The following NELL1 variants were observed in gnomAD, a reference collection of about 807,000 sequenced individuals.
The protein encoded by NELL1 is protein kinase C-binding protein NELL1.
Under a neutral mutation model 107.4 loss-of-function variants are expected in NELL1, and 76 were observed. The observed-to-expected ratio is 0.71, with a 90% CI of 0.59 to 0.86. The LOEUF (loss-of-function observed/expected upper bound fraction) is 0.86. Among genes scored for constraint, NELL1 ranks in the 40% least tolerant of loss-of-function variants. NELL1 has a pLI of 0.00. For synonymous variants in NELL1, 353 were observed against 341.2 expected, an observed-to-expected ratio of 1.03 and a Z score of -0.38; for missense variants, 1,024 against 1,005.5, an observed-to-expected ratio of 1.02 and a Z score of -0.25.
intron 12 of NELL1, among the ~76,000 whole-genome samples, chr11:21,072,927 T>C (rs1854049849): frequency 6.6e-6 from 1 of 152,214 alleles, no homozygotes; most frequent in African/African-American, 2.4e-5. Context: ...TTCTGCTTCC[T>C]GCTCGAACAC....
At chr11:20,839,926 T>C (rs1848592705) in intron 3 of NELL1, among the ~76,000 whole-genome samples, 1 of 152,186 alleles carries the variant, frequency 6.6e-6, no homozygotes. Context: ...GATATCTGAT[T>C]TGTGAAAGAA....
intron 13 of NELL1, among the ~76,000 whole-genome samples, chr11:21,199,395 T>G (rs1442135951): frequency 6.6e-6 from 1 of 152,180 alleles, no homozygotes; most frequent in East Asian, 1.9e-4. Flanking sequence ...AGGGGCTTTA[T>G]TTTTAATACA....
At chr11:21,461,247 C>A (rs138658822) in intron 15 of NELL1, among the ~76,000 whole-genome samples, 1 of 152,160 alleles carries the variant, frequency 6.6e-6, no homozygotes, top group East Asian at 1.9e-4. Flanking sequence ...TGAATGAGGA[C>A]TGGGTAGAGG....
intron 15 of NELL1, among the ~76,000 whole-genome samples, chr11:21,520,523 A>G (rs1855694024): frequency 6.6e-6 from 1 of 151,986 alleles, no homozygotes; most frequent in African/African-American, 2.4e-5. Flanking sequence ...TGGTAATATG[A>G]TGATGATAAG....
intron 2 of NELL1, 31 bp downstream of exon 2, chr11:20,678,091 A>G (rs1352838550): frequency 6.2e-7 from 1 of 1,613,338 alleles, no homozygotes; most frequent in Admixed American, 1.7e-5. Flanking sequence ...GCATGGTGGC[A>G]GAGGTTGGGG....
intron 13 of NELL1, chr11:21,169,900 G>T: frequency 6.9e-7 from 1 of 1,453,892 alleles, no homozygotes. Context: ...ATGTCCCCAG[G>T]TCGTCCACCG....
At chr11:20,880,462 T>A (rs1849386619) in intron 4 of NELL1, among the ~76,000 whole-genome samples, 1 of 152,220 alleles carries the variant, frequency 6.6e-6, no homozygotes, top group African/African-American at 2.4e-5. Context: ...GAAATTGAAA[T>A]ACAGAGAAAT....
chr11:20,710,764 G>A (rs1855091949), intron 2 of NELL1, among the ~76,000 whole-genome samples: 1 of 151,728 alleles, frequency 6.6e-6, no homozygotes. Flanking sequence ...TTTAATCTAG[G>A]AGGGTTGGAT....
chr11:20,911,176 A>G (rs1850123935), intron 5 of NELL1, among the ~76,000 whole-genome samples: 1 of 152,364 alleles, frequency 6.6e-6, no homozygotes, highest in East Asian at 1.9e-4. Flanking sequence ...AATACCTGGT[A>G]CAGACAGATA....
intron 13 of NELL1, among the ~76,000 whole-genome samples, chr11:21,215,738 G>C (rs1857599480): frequency 6.6e-6 from 1 of 152,192 alleles, no homozygotes; most frequent in Non-Finnish European, 1.5e-5. Flanking sequence ...CTTTGAACTT[G>C]AGAGAGATGA....
chr11:21,168,989 G>A (rs947283178), intron 13 of NELL1, among the ~76,000 whole-genome samples: 3 of 151,900 alleles, frequency 2.0e-5, no homozygotes, highest in Admixed American at 2.0e-4. Flanking sequence ...TGGTGATGCA[G>A]TGTATCTGCT....
In NELL1 at chr11:21,399,530, A is replaced by G. The variant is rs541404137; in HGVS notation, c.1645+28582A>G. ...TCATTGCTAAATAATTTTTTAAAATATAAATAAAAATAATAGCCAAAATGT... is the reference window on the plus strand; with the variant it reads ...TCATTGCTAAATAATTTTTTAAAATGTAAATAAAAATAATAGCCAAAATGT... On this transcript the variant is annotated intron_variant, in intron 15 of 19. Coordinates refer to ENST00000357134, the MANE Select transcript of NELL1 (RefSeq NM_006157.5). Among the ~76,000 whole-genome samples the G allele has an allele frequency of 5.8e-4, 88 of 152,010 alleles. 2 individuals are homozygous for G. The South Asian group carries it at 0.018, about 31-fold the overall frequency.
At chr11:21,427,981 T>C (rs1359811410) in intron 15 of NELL1, among the ~76,000 whole-genome samples, 1 of 152,240 alleles carries the variant, frequency 6.6e-6, no homozygotes, top group Non-Finnish European at 1.5e-5. Context: ...CTGATGAGTC[T>C]AACTTGGTTT....
chr11:21,404,010 C>CG (rs765509646), intron 15 of NELL1, among the ~76,000 whole-genome samples: 1,409 of 108,242 alleles, frequency 0.013, 56 homozygotes, highest in Non-Finnish European at 0.021. Flanking sequence ...CCTGAACCCC[C>CG]CCCCCCGCAA....
intron 16 of NELL1, among the ~76,000 whole-genome samples, chr11:21,555,111 G>A (rs913107673): frequency 6.6e-6 from 1 of 151,838 alleles, no homozygotes; most frequent in Non-Finnish European, 1.5e-5. Flanking sequence ...CCAGCACTTA[G>A]CAGTGTATCT....
chr11:21,401,013 T>G (rs991099867), intron 15 of NELL1, among the ~76,000 whole-genome samples: 2 of 151,906 alleles, frequency 1.3e-5, no homozygotes, highest in Non-Finnish European at 2.9e-5. Context: ...TTTCACAGTA[T>G]GTATTTGAAT....
chr11:21,330,499 G>T (rs1850248096), intron 14 of NELL1, among the ~76,000 whole-genome samples: 1 of 151,960 alleles, frequency 6.6e-6, no homozygotes, highest in Non-Finnish European at 1.5e-5. Flanking sequence ...CTGGGAATGA[G>T]AAATTTGTTA....
intron 12 of NELL1, among the ~76,000 whole-genome samples, chr11:21,030,088 G>A (rs529385983): frequency 6.6e-6 from 1 of 152,286 alleles, no homozygotes; most frequent in South Asian, 2.1e-4. Context: ...GAAAGTGACA[G>A]CCTGTAGTAT....
intron 2 of NELL1, among the ~76,000 whole-genome samples, chr11:20,712,818 GTGATA>G (rs1460665609): frequency 6.6e-6 from 1 of 152,212 alleles, no homozygotes; most frequent in African/African-American, 2.4e-5. Flanking sequence ...AACAAGTCCT[GTGATA>G]TGATCCATCT....
Sources: allele counts gnomAD v4.1 joint callset (sites outside exome capture counted in the v4.1 genomes callset), GRCh38; gene constraint gnomAD v4.1.1; transcripts MANE v1.5; gene names NCBI Gene and HGNC (gene_info 2026-07-23, HGNC 2026-07-21).